DOCK1: variants seen among roughly 807,000 people sequenced by gnomAD.
DOCK1 encodes the protein dedicator of cytokinesis protein 1.
Under a neutral mutation model 262.7 loss-of-function variants are expected in DOCK1, and 138 were observed. That is an observed-to-expected ratio of 0.53 (90% CI 0.46 to 0.61). The LOEUF is 0.61. DOCK1 is among the 20% of genes least tolerant of loss of function. DOCK1 has a pLI of 0.00. For missense variants in DOCK1, 1,908 were observed against 2,370.7 expected (o/e 0.80, Z 4.05); for synonymous variants, 866 against 867.4 (o/e 1.00, Z 0.03).
At chr10:127,346,640 G>T (rs1407061147) in intron 31 of DOCK1, among the ~76,000 whole-genome samples, 1 of 152,154 alleles carries the variant, frequency 6.6e-6, no homozygotes, top group Admixed American at 6.5e-5. Context: ...ACCTCGAAGG[G>T]CCTTGGCTAC....
At chr10:127,264,579 C>G (rs2060286521) in intron 29 of DOCK1, among the ~76,000 whole-genome samples, 1 of 152,118 alleles carries the variant, frequency 6.6e-6, no homozygotes, top group Non-Finnish European at 1.5e-5. Context: ...AACATAAAGG[C>G]AAATAAGACG....
intron 1 of DOCK1, among the ~76,000 whole-genome samples, chr10:126,950,061 T>G (rs1011432795): frequency 6.6e-6 from 1 of 151,886 alleles, no homozygotes. Context: ...GCCTCATTTT[T>G]TTTTTCCATT....
chr10:127,104,969 A>G (rs1027031912), intron 23 of DOCK1, among the ~76,000 whole-genome samples: 1 of 152,128 alleles, frequency 6.6e-6, no homozygotes, highest in Non-Finnish European at 1.5e-5. Context: ...CCCAAATCTC[A>G]TCTTGAATTG....
At chr10:127,326,387 A>G (rs190462694) in intron 29 of DOCK1, among the ~76,000 whole-genome samples, 153 of 152,340 alleles carry the variant, frequency 1.0e-3, no homozygotes, top group African/African-American at 3.5e-3. Flanking sequence ...CATTTCAACA[A>G]TGTTATCAGA....
At chr10:127,090,961 CT>C in intron 23 of DOCK1, among the ~76,000 whole-genome samples, 1 of 150,308 alleles carries the variant, frequency 6.7e-6, no homozygotes, top group East Asian at 2.0e-4. Flanking sequence ...CCTGTACAGG[CT>C]TCTGTTTGAA....
intron 29 of DOCK1, among the ~76,000 whole-genome samples, chr10:127,307,462 C>G (rs1316176574): frequency 6.6e-6 from 1 of 152,206 alleles, no homozygotes; most frequent in Non-Finnish European, 1.5e-5. Flanking sequence ...TCGTTCAGTC[C>G]GCTGTCTTGG....
chr10:127,108,753 T>A (rs2048693644), intron 24 of DOCK1, among the ~76,000 whole-genome samples: 1 of 152,218 alleles, frequency 6.6e-6, no homozygotes. Flanking sequence ...AGACGCAGCA[T>A]CTATTATGTG....
At chr10:126,988,279 G>A (rs2039555453) in intron 5 of DOCK1, 1 of 152,240 alleles carries the variant, frequency 6.6e-6, no homozygotes, top group South Asian at 2.1e-4. Flanking sequence ...TGTTAAGCTT[G>A]TATTTCTATT....
At chr10:127,095,490 A>C (rs920487077) in intron 23 of DOCK1, among the ~76,000 whole-genome samples, 1 of 152,218 alleles carries the variant, frequency 6.6e-6, no homozygotes, top group Admixed American at 6.5e-5. Context: ...AGAGAAGTGC[A>C]GGGGATTTAC....
intron 29 of DOCK1, among the ~76,000 whole-genome samples, chr10:127,313,015 G>A (rs1381664738): frequency 6.6e-6 from 1 of 152,098 alleles, no homozygotes; most frequent in East Asian, 1.9e-4. Flanking sequence ...GCCCCTCCCA[G>A]TCCTGGGCTG....
intron 30 of DOCK1, among the ~76,000 whole-genome samples, chr10:127,340,914 A>C (rs759164772): frequency 1.3e-4 from 20 of 152,176 alleles, no homozygotes; most frequent in Non-Finnish European, 2.9e-4. Flanking sequence ...TAGGCTAGGC[A>C]TGGGTTTAGG....
intron 22 of DOCK1, 146 bp downstream of exon 22, chr10:127,052,961 G>A: frequency 7.5e-7 from 1 of 1,332,870 alleles, no homozygotes; most frequent in Non-Finnish European, 1.0e-6. Flanking sequence ...AGAGAGCACT[G>A]TTGATCCTGG....
chr10:127,409,482 C>T, intron 42 of DOCK1, 91 bp downstream of exon 42: 1 of 1,398,530 alleles, frequency 7.2e-7, no homozygotes, highest in African/African-American at 1.4e-5. Flanking sequence ...AAAGGACGGA[C>T]TTTGGCCATG....
intron 2 of DOCK1, 67 bp from the exon 3 acceptor site, chr10:126,977,881 A>G (rs2038666777): frequency 6.7e-7 from 1 of 1,490,814 alleles, no homozygotes; most frequent in East Asian, 2.3e-5. Flanking sequence ...TCTACACATC[A>G]TGAATGTATT....
chr10:127,112,684 T>C (rs2132895552), intron 25 of DOCK1, among the ~76,000 whole-genome samples: 1 of 152,334 alleles, frequency 6.6e-6, no homozygotes, highest in Non-Finnish European at 1.5e-5. Flanking sequence ...ATGAAATATA[T>C]GAATCCCAAA....
chr10:127,146,321 G>T (rs2051848684), intron 27 of DOCK1, among the ~76,000 whole-genome samples: 1 of 152,118 alleles, frequency 6.6e-6, no homozygotes, highest in Non-Finnish European at 1.5e-5. Flanking sequence ...ACAGTTAATG[G>T]CTGTAACAAG....
chr10:127,205,005 T>A (rs2057648904), intron 27 of DOCK1, among the ~76,000 whole-genome samples: 1 of 152,168 alleles, frequency 6.6e-6, no homozygotes, highest in Non-Finnish European at 1.5e-5. Context: ...CTATCTGAGC[T>A]GGATGCCCCT....
At chr10:127,023,830 C>T (rs923296362) in intron 14 of DOCK1, among the ~76,000 whole-genome samples, 1 of 152,104 alleles carries the variant, frequency 6.6e-6, no homozygotes, top group African/African-American at 2.4e-5. Context: ...AGCAGTCACA[C>T]TAGAAGTACA....
At chr10:127,029,715 C>T (rs181438981) in intron 16 of DOCK1, among the ~76,000 whole-genome samples, 5 of 152,258 alleles carry the variant, frequency 3.3e-5, no homozygotes, top group Non-Finnish European at 5.9e-5. Context: ...CAGTAAAAAG[C>T]GGTCCATTCC....
Sources: allele counts gnomAD v4.1 joint callset (sites outside exome capture counted in the v4.1 genomes callset), GRCh38; gene constraint gnomAD v4.1.1; transcripts MANE v1.5; gene names NCBI Gene and HGNC (gene_info 2026-07-23, HGNC 2026-07-21).